The following ATP6V0A4 variants were observed in gnomAD, a reference collection of about 807,000 sequenced individuals.
ATP6V0A4 encodes the protein ATPase H+ transporting V0 subunit a4.
Under a neutral mutation model 107.3 loss-of-function variants are expected in ATP6V0A4, and 86 were observed. That is an observed-to-expected ratio of 0.80 (90% CI 0.67 to 0.96). ATP6V0A4 has a LOEUF of 0.96. Among genes scored for constraint, ATP6V0A4 ranks in the 40% least tolerant of loss-of-function variants. The probability of loss-of-function intolerance (pLI) is 0.00; values close to 1 mark genes in which losing one functional copy is unlikely to be tolerated. For synonymous variants in ATP6V0A4, 353 were observed against 381.4 expected, an observed-to-expected ratio of 0.93 and a Z score of 0.87; for missense variants, 908 against 1,045.6, an observed-to-expected ratio of 0.87 and a Z score of 1.81.
chr7:138,751,502 C>A lies in ATP6V0A4; in HGVS notation c.1029+1123G>T, dbSNP rs556705899. ...GGTGATCAGAACAAGCCCCCACTCT[C>A]CATCCTGCCCCTCGCCGTCCCCTGC... is the stretch of plus-strand genomic sequence containing the variant. On this transcript the variant is annotated intron_variant, in intron 11 of 21. Transcript: ENST00000310018. 9.9e-5 allele frequency among the ~76,000 whole-genome samples: 15 copies of A among 151,582 alleles called. No homozygotes were observed. The South Asian group carries it at 3.2e-3, about 32-fold the overall frequency.
In ATP6V0A4 at chr7:138,768,763, C is replaced by G; in HGVS notation, c.291+17G>C. 6.2e-7 allele frequency: 1 copy of G among 1,613,856 alleles called. No homozygotes were observed. On this transcript the variant is annotated intron_variant, in intron 5 of 21. Coordinates refer to ENST00000310018, the MANE Select transcript of ATP6V0A4 (RefSeq NM_020632.3). ...GACTGTCCTTACCTGGGGAGGCCAG[C>G]AAAGTGGAGAACTTACCTCCAGGGT... is the stretch of plus-strand genomic sequence containing the variant.
intron 18 of ATP6V0A4, among the ~76,000 whole-genome samples, chr7:138,726,647 G>T (rs907182536): frequency 2.6e-5 from 4 of 152,162 alleles, no homozygotes; most frequent in Non-Finnish European, 5.9e-5. Flanking sequence ...TGGAGAAGGG[G>T]CAAATAATGC....
rs763163513 is a variant in ATP6V0A4 at position 138,728,762 on chromosome 7, T to C, written c.2009A>G (p.Gln670Arg). 6.2e-6 allele frequency: 10 copies of C among 1,614,192 alleles called. No homozygotes were observed. In the East Asian group the frequency reaches 2.0e-4, roughly 32 times the overall value. Residue 670 changes from glutamine (Q) to arginine (R), a missense_variant and splice_region_variant, in exon 18 of 22, where the codon CAG becomes CGG. Coordinates refer to ENST00000310018, the MANE Select transcript of ATP6V0A4 (RefSeq NM_020632.3). ...FILRASHRKS[Q>R]LQASRIQEDA... is the part of the protein sequence containing the mutation. ...TGAACTGAAACAAACAGCCCTTACC[T>C]GGGATTTCCGATGACTGGCTCTAAG... is the stretch of plus-strand genomic sequence containing the variant.
At chr7:138,717,613 G>A (rs922022347) in intron 19 of ATP6V0A4, among the ~76,000 whole-genome samples, 1 of 151,244 alleles carries the variant, frequency 6.6e-6, no homozygotes, top group Non-Finnish European at 1.5e-5. Context: ...TTCATTCAGA[G>A]ATAACAAAAC....
intron 2 of ATP6V0A4, among the ~76,000 whole-genome samples, chr7:138,778,316 G>GC (rs1807763108): frequency 7.9e-6 from 1 of 126,914 alleles, no homozygotes; most frequent in Non-Finnish European, 1.7e-5. Flanking sequence ...AGCCAAGATC[G>GC]CGCCACTGCA....
At chr7:138,776,909 G>A (rs980079938) in intron 2 of ATP6V0A4, among the ~76,000 whole-genome samples, 1 of 152,158 alleles carries the variant, frequency 6.6e-6, no homozygotes, top group African/African-American at 2.4e-5. Flanking sequence ...CAGTTTGGGA[G>A]CCTGAGGCAG....
intron 3 of ATP6V0A4, 67 bp downstream of exon 3, chr7:138,771,064 G>A: frequency 7.1e-7 from 1 of 1,411,988 alleles, no homozygotes; most frequent in Non-Finnish European, 1.0e-6. Context: ...CCATAAAGAA[G>A]TGTTGTGCAA....
intron 2 of ATP6V0A4, among the ~76,000 whole-genome samples, chr7:138,772,024 ATCACAACCAACT>A (rs1807419419): frequency 6.6e-6 from 1 of 152,202 alleles, no homozygotes; most frequent in Non-Finnish European, 1.5e-5. Flanking sequence ...AGTTGTGGGT[ATCACAACCAACT>A]CTGGATTCCA....
At chr7:138,733,148 A>C (rs1340239496) in intron 16 of ATP6V0A4, 55 bp from the exon 17 acceptor site, 9 of 1,610,076 alleles carry the variant, frequency 5.6e-6, no homozygotes, top group Non-Finnish European at 8.5e-7. Flanking sequence ...GAACGTTAGG[A>C]CTTAATTATT....
In ATP6V0A4 at chr7:138,715,138, C is replaced by T. The variant is rs537545282; in HGVS notation, c.2257+626G>A. Among the ~76,000 whole-genome samples the T allele has an allele frequency of 1.5e-4, 23 of 152,338 alleles. No individual in the cohort carries two copies. The East Asian group carries it at 1.7e-3, about 12-fold the overall frequency. On this transcript the variant is annotated intron_variant, in intron 20 of 21. Transcript: ENST00000310018. ...CCTGCAGCAGGAGCACGGCTGCCCACGCCTTGATTTTAGGACTCTGGCTTC... is the reference window on the plus strand; with the variant it reads ...CCTGCAGCAGGAGCACGGCTGCCCATGCCTTGATTTTAGGACTCTGGCTTC...
intron 18 of ATP6V0A4, among the ~76,000 whole-genome samples, chr7:138,728,534 A>T (rs1379385134): frequency 2.6e-5 from 4 of 152,064 alleles, no homozygotes; most frequent in Non-Finnish European, 5.9e-5. Context: ...GCCGAGACAT[A>T]AGGCTTAAAC....
intron 10 of ATP6V0A4, among the ~76,000 whole-genome samples, chr7:138,753,722 A>G (rs1460129383): frequency 6.6e-6 from 1 of 152,148 alleles, no homozygotes; most frequent in Non-Finnish European, 1.5e-5. Flanking sequence ...GATTAACGAG[A>G]GCCATGAGGC....
At chr7:138,756,934 G>A (rs890383642) in intron 8 of ATP6V0A4, among the ~76,000 whole-genome samples, 4 of 152,186 alleles carry the variant, frequency 2.6e-5, no homozygotes, top group Admixed American at 6.5e-5. Flanking sequence ...ACACAACACC[G>A]ACATTTTGGG....
Position 138,717,438 on chromosome 7 carries a change from A to T in ATP6V0A4, c.2140-1557T>A, listed in dbSNP as rs1459762373. The stretch of plus-strand genomic sequence containing the variant: ...GCGTGCACCTGTAATCCAGCTACTC[A>T]GGAGGCTGAGGCAGGAGAATCGCTT... On this transcript the variant is annotated intron_variant, in intron 19 of 21. Transcript: ENST00000310018. Among the ~76,000 whole-genome samples, 6 of 152,102 alleles carry T rather than the reference A, an allele frequency of 3.9e-5. No homozygotes were observed. In the East Asian group the frequency reaches 1.2e-3, roughly 29 times the overall value.
intron 9 of ATP6V0A4, 72 bp from the exon 10 acceptor site, chr7:138,755,854 A>G: frequency 6.3e-7 from 1 of 1,581,144 alleles, no homozygotes; most frequent in East Asian, 2.3e-5. Flanking sequence ...CTTTTCTGCT[A>G]AGACATCGTT....
chr7:138,789,883 C>T (rs13239023), intron 1 of ATP6V0A4, among the ~76,000 whole-genome samples: 11,353 of 85,228 alleles, frequency 0.13, no homozygotes, highest in African/African-American at 0.15. Context: ...ACACTAGAAT[C>T]ACTTGAACCC....
Position 138,773,034 on chromosome 7 carries a change from T to G in ATP6V0A4, c.-17-1770A>C, listed in dbSNP as rs111938642. Among the ~76,000 whole-genome samples the G allele has an allele frequency of 3.0e-3, 464 of 152,196 alleles. 1 individual carries two copies. The highest frequency in any genetic ancestry group is 0.01 in the African/African-American group (433 of 41,530). ...CGGCCCTACTGCTGCCAAATCACAC[T>G]TTTTCCCCCCAGGTCAACCTTCTGG... On this transcript the variant is annotated intron_variant, in intron 2 of 21. Transcript: ENST00000310018. This position sits in a 1 kb window ranked among gnomAD's most constrained non-coding sequence, Gnocchi z 5.4.
At chr7:138,715,220 G>A (rs185568125) in intron 20 of ATP6V0A4, among the ~76,000 whole-genome samples, 16 of 152,304 alleles carry the variant, frequency 1.1e-4, no homozygotes, top group Non-Finnish European at 8.8e-5. Context: ...CTGTTTGTTT[G>A]AGACGGAGTC....
intron 2 of ATP6V0A4, among the ~76,000 whole-genome samples, chr7:138,777,441 C>T (rs1369920223): frequency 6.6e-6 from 1 of 151,798 alleles, no homozygotes; most frequent in Non-Finnish European, 1.5e-5. Flanking sequence ...ATGGTGAAAC[C>T]CCATCTCTAC....
Sources: allele counts gnomAD v4.1 joint callset (sites outside exome capture counted in the v4.1 genomes callset), GRCh38; gene constraint gnomAD v4.1.1; non-coding constraint Gnocchi (gnomAD v3.1); transcripts MANE v1.5; gene names NCBI Gene and HGNC (gene_info 2026-07-23, HGNC 2026-07-21).